Variants in UBE4B observed in about 807,000 individuals in gnomAD.
UBE4B encodes the protein ubiquitin conjugation factor E4 B.
A neutral mutation model predicts 148.1 loss-of-function variants in UBE4B; 27 were observed. The observed-to-expected ratio is 0.18, with a 90% CI of 0.13 to 0.25. UBE4B has a LOEUF of 0.25. Among genes scored for constraint, UBE4B ranks in the 10% least tolerant of loss-of-function variants. The pLI is 1.00. For missense variants in UBE4B, 1,170 were observed against 1,662.4 expected (o/e 0.70, Z 5.15); for synonymous variants, 596 against 619.3 (o/e 0.96, Z 0.56).
chr1:10,168,635 G>A lies in UBE4B; in HGVS notation c.3333+365G>A, dbSNP rs542865756. Among the ~76,000 whole-genome samples, 5 of 152,300 alleles carry A rather than the reference G, an allele frequency of 3.3e-5. No homozygotes were observed. In the East Asian group the frequency reaches 5.8e-4, roughly 18 times the overall value. Reference sequence around the variant, plus strand: ...GTGCCGGGTGCGGTGGCTCACGCCTGTAATCCCAGCACTTTGGGAGCCCAA... The same window carrying A: ...GTGCCGGGTGCGGTGGCTCACGCCTATAATCCCAGCACTTTGGGAGCCCAA... On this transcript the variant is annotated intron_variant, in intron 24 of 27. Transcript: ENST00000343090. This position sits in a 1 kb window ranked among gnomAD's most constrained non-coding sequence, Gnocchi z 4.9.
intron 1 of UBE4B, among the ~76,000 whole-genome samples, chr1:10,061,537 C>T (rs1644286267): frequency 6.6e-6 from 1 of 152,142 alleles, no homozygotes; most frequent in Admixed American, 6.6e-5. Context: ...AGGGGTGAGC[C>T]ACCGCACTTG....
At chr1:10,147,130 C>T in intron 19 of UBE4B, 40 bp downstream of exon 19, 3 of 1,613,224 alleles carry the variant, frequency 1.9e-6, no homozygotes, top group South Asian at 1.1e-5. Flanking sequence ...CCCTCCTTGG[C>T]TGGGCTCTGT....
At chr1:10,115,129 G>A (rs951931224) in intron 7 of UBE4B, among the ~76,000 whole-genome samples, 1 of 143,858 alleles carries the variant, frequency 7.0e-6, no homozygotes, top group Non-Finnish European at 1.5e-5. Context: ...AAGTAGCATT[G>A]TTTCTCCTTC....
chr1:10,176,062 A>T (rs1165796172), intron 25 of UBE4B, among the ~76,000 whole-genome samples: 1 of 151,852 alleles, frequency 6.6e-6, no homozygotes, highest in Non-Finnish European at 1.5e-5. Flanking sequence ...TTACCTATTC[A>T]CCTCTCCGGG....
At chr1:10,138,710 C>G (rs140394892) in intron 17 of UBE4B, among the ~76,000 whole-genome samples, 1 of 151,894 alleles carries the variant, frequency 6.6e-6, no homozygotes. Flanking sequence ...TTGAAATTTC[C>G]ATCTTGTTTC....
At chr1:10,133,737 C>T (rs1201251179) in intron 15 of UBE4B, among the ~76,000 whole-genome samples, 1 of 151,808 alleles carries the variant, frequency 6.6e-6, no homozygotes, top group African/African-American at 2.4e-5. Context: ...ATAATGAGAC[C>T]CCATCTCTAC....
rs1222788205 is a variant in UBE4B at position 10,168,851 on chromosome 1, C to T, written c.3333+581C>T. Among the ~76,000 whole-genome samples, 9 of 148,012 alleles carry T rather than the reference C, an allele frequency of 6.1e-5. No individual in the cohort carries two copies. The highest frequency in any genetic ancestry group is 2.3e-4 in the African/African-American group (9 of 39,792). On this transcript the variant is annotated intron_variant, in intron 24 of 27. Coordinates refer to ENST00000343090, the MANE Select transcript of UBE4B (RefSeq NM_001105562.3). This position sits in a 1 kb window ranked among gnomAD's most constrained non-coding sequence, Gnocchi z 4.9. The stretch of plus-strand genomic sequence containing the variant: ...AGCTGGCAGTGAGCCGAGATGGTGC[C>T]ACTGCACTCCAGCCTGGGCGACAGA...
At chr1:10,114,954 T>C (rs1331558745) in intron 7 of UBE4B, among the ~76,000 whole-genome samples, 1 of 152,180 alleles carries the variant, frequency 6.6e-6, no homozygotes, top group Non-Finnish European at 1.5e-5. Flanking sequence ...GCGAGGGCTT[T>C]GTAGGTGGCT....
Position 10,121,949 on chromosome 1 carries a change from C to A in UBE4B, c.1440-13C>A. Reference sequence around the variant, plus strand: ...TGACTTCATCACCGTCCCTAATGTTCATGGGTCCACAGGTCCTTGCAGCAG... The same window carrying A: ...TGACTTCATCACCGTCCCTAATGTTAATGGGTCCACAGGTCCTTGCAGCAG... On this transcript the variant is annotated splice_polypyrimidine_tract_variant and intron_variant, in intron 9 of 27. Coordinates refer to ENST00000343090, the MANE Select transcript of UBE4B (RefSeq NM_001105562.3). 3 of 1,590,510 alleles carry A rather than the reference C, an allele frequency of 1.9e-6. No individual in the cohort carries two copies. The highest frequency in any genetic ancestry group is 2.6e-6 in the Non-Finnish European group (3 of 1,162,600).
chr1:10,054,567 A>T (rs1298056120), intron 1 of UBE4B: 2 of 297,418 alleles, frequency 6.7e-6, no homozygotes, highest in Non-Finnish European at 1.3e-5. Context: ...TTCCTTCATG[A>T]GTTTTAGGAA....
chr1:10,167,614 G>A (rs1369317681), intron 23 of UBE4B, among the ~76,000 whole-genome samples: 2 of 107,700 alleles, frequency 1.9e-5, no homozygotes, highest in Non-Finnish European at 3.5e-5. Flanking sequence ...TTTTTTTTGA[G>A]ACGGAGTCTC....
At chr1:10,035,721 A>ATT (rs1046609613) in intron 1 of UBE4B, among the ~76,000 whole-genome samples, 1 of 127,352 alleles carries the variant, frequency 7.9e-6, no homozygotes, top group South Asian at 2.5e-4. Context: ...TAGTTTTTTT[A>ATT]TTTTTTTTTA....
At position 10,168,902 on chromosome 1, in the gene UBE4B, A is replaced by AG. The variant is rs1571024904; in HGVS notation, c.3333+632_3333+633insG. Among the ~76,000 whole-genome samples the AG allele has an allele frequency of 6.6e-6, 1 of 152,148 alleles. No individual in the cohort carries two copies. The highest frequency in any genetic ancestry group is 1.9e-4 in the East Asian group (1 of 5,178). ...GTGAGACTCCATCTCAAAAAAAAAAAAAAAAGAAGAAGAAAAAGCATAAGG... is the reference window on the plus strand; with the variant it reads ...GTGAGACTCCATCTCAAAAAAAAAAAGAAAAAGAAGAAGAAAAAGCATAAGG... On this transcript the variant is annotated intron_variant, in intron 24 of 27. Coordinates refer to ENST00000343090, the MANE Select transcript of UBE4B (RefSeq NM_001105562.3). The surrounding 1 kb of genome is among the most constrained non-coding windows in gnomAD (Gnocchi z 4.9).
At chr1:10,068,915 G>A (rs1447702673) in intron 1 of UBE4B, among the ~76,000 whole-genome samples, 2 of 152,236 alleles carry the variant, frequency 1.3e-5, no homozygotes, top group East Asian at 1.9e-4. Flanking sequence ...ATTTTCCAGC[G>A]GATCTTTAAG....
chr1:10,100,899 G>C, intron 3 of UBE4B: 1 of 529,350 alleles, frequency 1.9e-6, no homozygotes, highest in Non-Finnish European at 3.3e-6. Flanking sequence ...GACAACTTAG[G>C]AAAAATATTT....
Position 10,168,013 on chromosome 1 carries a change from G to A in UBE4B, c.3199-123G>A, listed in dbSNP as rs1377612281. 1 of 1,186,558 alleles carries A rather than the reference G, an allele frequency of 8.4e-7. No individual in the cohort carries two copies. The highest frequency in any genetic ancestry group is 1.6e-5 in the African/African-American group (1 of 64,140). 73.5% of individuals were successfully genotyped at this position (1,186,558 alleles called of 1,614,324 possible). ...CTTCAGTTATCTGGGACATGTGGCA[G>A]GCGGTTCTGTCATTCCCTAAGCATG... On this transcript the variant is annotated intron_variant, in intron 23 of 27. Transcript: ENST00000343090. This position sits in a 1 kb window ranked among gnomAD's most constrained non-coding sequence, Gnocchi z 4.9.
intron 7 of UBE4B, among the ~76,000 whole-genome samples, chr1:10,111,246 C>A (rs1182529296): frequency 2.6e-5 from 4 of 151,904 alleles, no homozygotes; most frequent in Admixed American, 1.3e-4. Flanking sequence ...ACACACACAC[C>A]CCCACACCAA....
At chr1:10,069,379 G>A (rs1319289158) in intron 1 of UBE4B, among the ~76,000 whole-genome samples, 1 of 152,150 alleles carries the variant, frequency 6.6e-6, no homozygotes, top group Non-Finnish European at 1.5e-5. Context: ...GGAAGTTCTT[G>A]CTTTTAAGAA....
Position 10,137,174 on chromosome 1 carries a change from C to T in UBE4B, c.2332C>T (p.Arg778Cys), listed in dbSNP as rs757625036. Residue 778 changes from arginine (R) to cysteine (C), a missense_variant, in exon 17 of 28, where the codon CGC (arginine) becomes TGC (cysteine). Physicochemically the swap from Arg to Cys is radical, Grantham distance 180. Coordinates refer to ENST00000343090, the MANE Select transcript of UBE4B (RefSeq NM_001105562.3). The part of the protein sequence containing the change: ...SILPSCRRYI[R>C]RLRAIRELNR... ...TCTGCCTAGTTGCCGTCGCTATATCCGCAGACTCCGGGCTATCCGGGAGCT... is the reference window on the plus strand; with the variant it reads ...TCTGCCTAGTTGCCGTCGCTATATCTGCAGACTCCGGGCTATCCGGGAGCT... 3.7e-6 allele frequency: 6 copies of T among 1,613,982 alleles called. No individual in the cohort carries two copies. Among genetic ancestry groups the T allele is most frequent in the South Asian group, 1.1e-5 (1 of 91,086 alleles).
Sources: allele counts gnomAD v4.1 joint callset (sites outside exome capture counted in the v4.1 genomes callset), GRCh38; gene constraint gnomAD v4.1.1; non-coding constraint Gnocchi (gnomAD v3.1); transcripts MANE v1.5; gene names NCBI Gene and HGNC (gene_info 2026-07-23, HGNC 2026-07-21).